Variants in NCBP1 observed in about 807,000 individuals in gnomAD.
The protein encoded by NCBP1 is nuclear cap-binding protein subunit 1.
Under a neutral mutation model 111.7 loss-of-function variants are expected in NCBP1, and 16 were observed. The observed-to-expected ratio is 0.14, with a 90% CI of 0.10 to 0.22. NCBP1 has a LOEUF of 0.22. Among genes scored for constraint, NCBP1 ranks in the 10% least tolerant of loss-of-function variants. The probability of loss-of-function intolerance (pLI) is 1.00; values close to 1 mark genes in which losing one functional copy is unlikely to be tolerated. For missense variants in NCBP1, 607 were observed against 957.5 expected, an observed-to-expected ratio of 0.63 and a Z score of 4.83; for synonymous variants, 304 against 314.3, an observed-to-expected ratio of 0.97 and a Z score of 0.35.
intron 17 of NCBP1, 135 bp downstream of exon 17, chr9:97,662,279 T>C (rs1827861421): frequency 3.1e-6 from 2 of 642,442 alleles, no homozygotes; most frequent in Non-Finnish European, 5.4e-6. Context: ...TGGGTTTGGG[T>C]TTGTGGTAGC....
In NCBP1 at chr9:97,673,153, A is replaced by G. The variant is rs116000920; in HGVS notation, c.*1954A>G. 377 of 152,334 alleles carry G rather than the reference A, an allele frequency of 2.5e-3. 2 individuals carry two copies. Among genetic ancestry groups the G allele is most frequent in the African/African-American group, 8.2e-3 (341 of 41,562 alleles). The allele number at this position is 152,334 out of a possible 1,614,324, so 9.4% of individuals were successfully genotyped here. ...AAAAAAGAAAAAAAATATATAGCATATAACATACAAAATGAGTTTATCAAC... is the reference window on the plus strand; with the variant it reads ...AAAAAAGAAAAAAAATATATAGCATGTAACATACAAAATGAGTTTATCAAC... On this transcript the variant is annotated 3_prime_UTR_variant, in exon 23 of 23. Coordinates refer to ENST00000375147, the MANE Select transcript of NCBP1 (RefSeq NM_002486.5).
Position 97,641,666 on chromosome 9 carries a change from T to C in NCBP1, c.224+4T>C, listed in dbSNP as rs1015467426. 1 of 1,597,296 alleles carries C rather than the reference T, an allele frequency of 6.3e-7. No individual in the cohort carries two copies. Among genetic ancestry groups the C allele is most frequent in the African/African-American group, 1.3e-5 (1 of 74,344 alleles). On this transcript the variant is annotated splice_donor_region_variant and intron_variant, in intron 3 of 22. Coordinates refer to ENST00000375147, the MANE Select transcript of NCBP1 (RefSeq NM_002486.5). ...TCTTAAGGCTTCTTTGTACAGTGTA[T>C]GTATGCAAAAGATTTATGAATCCAG... is the stretch of plus-strand genomic sequence containing the variant.
intron 15 of NCBP1, among the ~76,000 whole-genome samples, 178 bp downstream of exon 15, chr9:97,658,921 T>C (rs1158261332): frequency 6.6e-6 from 1 of 152,210 alleles, no homozygotes; most frequent in Non-Finnish European, 1.5e-5. Flanking sequence ...ATTTTGAGGA[T>C]TTGGTTGTGA....
At position 97,671,390 on chromosome 9, in the gene NCBP1, G is replaced by A. The variant is rs1828188937; in HGVS notation, c.*191G>A. On this transcript the variant is annotated 3_prime_UTR_variant, in exon 23 of 23. Coordinates refer to ENST00000375147, the MANE Select transcript of NCBP1 (RefSeq NM_002486.5). ...GAAAAGCAAATACTTCCTAACGGCA[G>A]TAATGTGACTATGACCATGATATAT... The A allele has an allele frequency of 1.9e-6, 1 of 537,388 alleles. No individual in the cohort carries two copies. Among genetic ancestry groups the A allele is most frequent in the Non-Finnish European group, 3.3e-6 (1 of 301,748 alleles). 33.3% of individuals were successfully genotyped at this position (537,388 alleles called of 1,614,324 possible).
chr9:97,634,004 C>G (rs888309913), intron 1 of NCBP1, 89 bp downstream of exon 1: 6 of 1,393,238 alleles, frequency 4.3e-6, no homozygotes, highest in Non-Finnish European at 5.7e-6. Context: ...AGACTGGAAG[C>G]TCTTCTCCCC....
intron 15 of NCBP1, among the ~76,000 whole-genome samples, chr9:97,659,979 G>A (rs1440755949): frequency 6.6e-6 from 1 of 152,034 alleles, no homozygotes; most frequent in Non-Finnish European, 1.5e-5. Flanking sequence ...GCCCTTTCTA[G>A]CTCCACTTCC....
chr9:97,640,685 G>C, intron 1 of NCBP1, 109 bp from the exon 2 acceptor site: 1 of 826,564 alleles, frequency 1.2e-6, no homozygotes, highest in Non-Finnish European at 1.9e-6. Flanking sequence ...CTTCTACTCT[G>C]TAAAAACATA....
Position 97,673,437 on chromosome 9 carries a change from A to G in NCBP1, c.*2238A>G, listed in dbSNP as rs1413888417. ...GTGTGGCTAGTTATGTTTGATCCAC[A>G]TTCTAGAGAAATTTGTAGGTTTTAA... On this transcript the variant is annotated 3_prime_UTR_variant, in exon 23 of 23. Transcript: ENST00000375147. 6.6e-6 allele frequency: 1 copy of G among 152,338 alleles called. No homozygotes were observed. Among genetic ancestry groups the G allele is most frequent in the South Asian group, 2.1e-4 (1 of 4,826 alleles). The allele number at this position is 152,338 out of a possible 1,614,324, so 9.4% of individuals were successfully genotyped here. A position where few individuals can be genotyped will look rare whatever the true frequency, so the allele number is the denominator to read the frequency against.
chr9:97,657,579 T>C (rs1456090811), intron 14 of NCBP1, among the ~76,000 whole-genome samples: 1 of 152,170 alleles, frequency 6.6e-6, no homozygotes, highest in East Asian at 1.9e-4. Flanking sequence ...TTAGTAGAAT[T>C]GATAAGTATT....
chr9:97,671,292 A>T lies in NCBP1; in HGVS notation c.*93A>T. 1 of 888,120 alleles carries T rather than the reference A, an allele frequency of 1.1e-6. No homozygotes were observed. Among genetic ancestry groups the T allele is most frequent in the Non-Finnish European group, 1.7e-6 (1 of 571,996 alleles). The allele number at this position is 888,120 out of a possible 1,614,324, so 55.0% of individuals were successfully genotyped here. A position where few individuals can be genotyped will look rare whatever the true frequency, so the allele number is the denominator to read the frequency against. On this transcript the variant is annotated 3_prime_UTR_variant, in exon 23 of 23. Coordinates refer to ENST00000375147, the MANE Select transcript of NCBP1 (RefSeq NM_002486.5). Reference sequence around the variant, plus strand: ...GTTTGAATGCTTGCTTTCTTGTAGTATCCTTTCACTTCTTAAAGGAAACAA... The same window carrying T: ...GTTTGAATGCTTGCTTTCTTGTAGTTTCCTTTCACTTCTTAAAGGAAACAA...
intron 1 of NCBP1, among the ~76,000 whole-genome samples, chr9:97,637,486 T>C (rs541309242): frequency 6.6e-6 from 1 of 152,390 alleles, no homozygotes; most frequent in South Asian, 2.1e-4. Flanking sequence ...TCAGATTTGC[T>C]GTATTAGCCC....
At position 97,650,219 on chromosome 9, in the gene NCBP1, A is replaced by G. The variant is rs549772393; in HGVS notation, c.898-284A>G. Among the ~76,000 whole-genome samples the G allele has an allele frequency of 5.1e-4, 78 of 152,300 alleles. 3 individuals are homozygous for G. In the South Asian group the frequency reaches 0.016, roughly 31 times the overall value. On this transcript the variant is annotated intron_variant, in intron 8 of 22. Transcript: ENST00000375147. ...AAATAAACTCTGTAAGACTTGTATT[A>G]TCCAAAATTATTTAGTTTCATATAA...
chr9:97,636,535 T>G (rs2131328511), intron 1 of NCBP1, among the ~76,000 whole-genome samples: 1 of 144,722 alleles, frequency 6.9e-6, no homozygotes, highest in African/African-American at 2.5e-5. Context: ...ATATATTATA[T>G]AAGTTTGTTT....
At position 97,651,299 on chromosome 9, in the gene NCBP1, A is replaced by C. The variant is rs1025729209; in HGVS notation, c.996-11A>C. The C allele has an allele frequency of 6.3e-7, 1 of 1,598,262 alleles. No individual in the cohort carries two copies. On this transcript the variant is annotated splice_polypyrimidine_tract_variant and intron_variant, in intron 9 of 22. Coordinates refer to ENST00000375147, the MANE Select transcript of NCBP1 (RefSeq NM_002486.5). ...CGTATACTTATTAAACTTAAATTAC[A>C]CTTTTTATAGTGCTGCACAGTTAGT...
At chr9:97,652,259 C>G (rs1054409544) in intron 10 of NCBP1, among the ~76,000 whole-genome samples, 1 of 152,200 alleles carries the variant, frequency 6.6e-6, no homozygotes, top group Non-Finnish European at 1.5e-5. Flanking sequence ...GCCTTGGGCT[C>G]CCAAGGTGCT....
chr9:97,646,839 C>CAAA (rs1199961668), intron 6 of NCBP1, among the ~76,000 whole-genome samples: 53 of 55,554 alleles, frequency 9.5e-4, no homozygotes, highest in South Asian at 1.4e-3. Flanking sequence ...GACTCCGTCT[C>CAAA]AAAAAAAAAA....
intron 9 of NCBP1, 64 bp downstream of exon 9, chr9:97,650,664 A>G: frequency 7.3e-7 from 1 of 1,371,888 alleles, no homozygotes; most frequent in Non-Finnish European, 1.0e-6. Context: ...ATTCAGTAAG[A>G]GCAAAATATA....
Position 97,672,323 on chromosome 9 carries a change from A to C in NCBP1, c.*1124A>C, listed in dbSNP as rs1415129867. The C allele has an allele frequency of 6.6e-6, 1 of 152,154 alleles. No homozygotes were observed. The highest frequency in any genetic ancestry group is 2.4e-5 in the African/African-American group (1 of 41,446). The allele number at this position is 152,154 out of a possible 1,614,324, so 9.4% of individuals were successfully genotyped here. A position where few individuals can be genotyped will look rare whatever the true frequency, so the allele number is the denominator to read the frequency against. Reference sequence around the variant, plus strand: ...AATAGGTATAATTTTTTCTTATTACATCCCAAGTTTATGATGCATTAAGCG... The same window carrying C: ...AATAGGTATAATTTTTTCTTATTACCTCCCAAGTTTATGATGCATTAAGCG... On this transcript the variant is annotated 3_prime_UTR_variant, in exon 23 of 23. Transcript: ENST00000375147.
Position 97,668,993 on chromosome 9 carries a change from T to A in NCBP1, c.2145+19T>A. On this transcript the variant is annotated intron_variant, in intron 21 of 22. Coordinates refer to ENST00000375147, the MANE Select transcript of NCBP1 (RefSeq NM_002486.5). ...ATTTCAGGTATCTTGGCTTGGGACA[T>A]TTATACATAAAAGGAAACAATACAT... 1 of 1,587,536 alleles carries A rather than the reference T, an allele frequency of 6.3e-7. No individual in the cohort carries two copies. Among genetic ancestry groups the A allele is most frequent in the Non-Finnish European group, 8.6e-7 (1 of 1,167,482 alleles).
Sources: gnomAD v4.1 joint callset for allele counts (sites outside exome capture counted in the v4.1 genomes callset) on GRCh38, gnomAD v4.1.1 for gene constraint, MANE v1.5 for transcripts, NCBI Gene and HGNC (gene_info 2026-07-23, HGNC 2026-07-21) for gene names.